Variants in MRPL22 observed in about 807,000 individuals in gnomAD.
The protein encoded by MRPL22 is large ribosomal subunit protein uL22m.
Under a neutral mutation model 32.4 loss-of-function variants are expected in MRPL22, and 27 were observed. That is an observed-to-expected ratio of 0.83 (90% CI 0.61 to 1.15). The LOEUF (loss-of-function observed/expected upper bound fraction) is 1.15, where lower values mean the gene tolerates loss of function less well. MRPL22 is among the 50% of genes most tolerant of loss of function. The pLI, the probability that MRPL22 is intolerant of heterozygous loss-of-function variation, is 0.00. For synonymous variants in MRPL22, 86 were observed against 87.3 expected (o/e 0.99, Z 0.08); for missense variants, 239 against 260.2 (o/e 0.92, Z 0.56).
At chr5:154,963,477 A>G (rs1010140774) in intron 6 of MRPL22, among the ~76,000 whole-genome samples, 2 of 152,220 alleles carry the variant, frequency 1.3e-5, no homozygotes, top group African/African-American at 2.4e-5. Context: ...GAATGCATAC[A>G]TTGTTCTTCT....
At chr5:154,943,248 T>C (rs928156809) in intron 2 of MRPL22, among the ~76,000 whole-genome samples, 2 of 151,730 alleles carry the variant, frequency 1.3e-5, no homozygotes, top group Admixed American at 1.3e-4. Context: ...CCACCTCAGC[T>C]TCCTAAGTAG....
intron 3 of MRPL22, among the ~76,000 whole-genome samples, chr5:154,953,148 G>A (rs760496013): frequency 1.3e-5 from 2 of 152,016 alleles, no homozygotes; most frequent in Non-Finnish European, 2.9e-5. Flanking sequence ...CACAAGGTCA[G>A]GAGTTCAAGC....
At chr5:154,942,300 A>G (rs1764428442) in intron 2 of MRPL22, among the ~76,000 whole-genome samples, 1 of 152,188 alleles carries the variant, frequency 6.6e-6, no homozygotes, top group African/African-American at 2.4e-5. Context: ...AGTATTTAGT[A>G]TGTTTATGGC....
intron 6 of MRPL22, among the ~76,000 whole-genome samples, chr5:154,964,179 C>G (rs1412957638): frequency 6.6e-6 from 1 of 152,130 alleles, no homozygotes; most frequent in Non-Finnish European, 1.5e-5. Context: ...AAATTGTGCT[C>G]TGTGGGGTGT....
At chr5:154,965,015 T>C (rs1448184512) in intron 6 of MRPL22, among the ~76,000 whole-genome samples, 2 of 152,184 alleles carry the variant, frequency 1.3e-5, no homozygotes, top group African/African-American at 2.4e-5. Context: ...TCTGGAAATT[T>C]GTAAACTCAT....
At chr5:154,943,341 G>T (rs1764444613) in intron 2 of MRPL22, among the ~76,000 whole-genome samples, 1 of 151,860 alleles carries the variant, frequency 6.6e-6, no homozygotes, top group African/African-American at 2.4e-5. Context: ...TAACTCCTGG[G>T]CTCAAGTGAT....
At chr5:154,950,395 A>G (rs954132190) in intron 2 of MRPL22, among the ~76,000 whole-genome samples, 5 of 152,120 alleles carry the variant, frequency 3.3e-5, no homozygotes, top group African/African-American at 1.2e-4. Context: ...TGTTTCCCAT[A>G]TTTTAGTTAT....
chr5:154,962,635 C>T (rs1428888574), intron 6 of MRPL22, among the ~76,000 whole-genome samples: 1 of 152,144 alleles, frequency 6.6e-6, no homozygotes, highest in Non-Finnish European at 1.5e-5. Flanking sequence ...AAAGCTAATA[C>T]CTGGTGTTGC....
intron 2 of MRPL22, among the ~76,000 whole-genome samples, chr5:154,949,557 G>A (rs1764532149): frequency 6.6e-6 from 1 of 152,120 alleles, no homozygotes; most frequent in African/African-American, 2.4e-5. Context: ...AAGAGGTAAA[G>A]CATTTGAGAA....
intron 2 of MRPL22, among the ~76,000 whole-genome samples, chr5:154,949,409 A>T (rs1764530627): frequency 6.6e-6 from 1 of 152,236 alleles, no homozygotes; most frequent in Non-Finnish European, 1.5e-5. Context: ...GGAGGATGAC[A>T]TGAGTAGCTC....
chr5:154,966,536 G>T, intron 6 of MRPL22, 150 bp from the exon 7 acceptor site: 1 of 722,202 alleles, frequency 1.4e-6, no homozygotes, highest in Non-Finnish European at 2.3e-6. Context: ...TAGCATTCAG[G>T]AGATAGTTGT....
intron 3 of MRPL22, among the ~76,000 whole-genome samples, chr5:154,953,991 C>CTT (rs1163927758): frequency 1.8e-4 from 22 of 123,368 alleles, no homozygotes; most frequent in African/African-American, 2.4e-4. Context: ...TGGCCTAAAA[C>CTT]TTTTTTTTTT....
At position 154,966,801 on chromosome 5, in the gene MRPL22, GC is replaced by G. The variant is rs780724703; in HGVS notation, c.530del (p.Pro177HisfsTer53). 73 of 1,614,000 alleles carry G rather than the reference GC, an allele frequency of 4.5e-5. No homozygotes were observed. Among genetic ancestry groups the G allele is most frequent in the Non-Finnish European group, 5.8e-5 (68 of 1,180,038 alleles). On this transcript the variant is annotated frameshift_variant, in exon 7 of 7. Transcript: ENST00000523037. LOFTEE classifies it high-confidence loss of function. The part of the protein sequence containing the change: ...CHYFVKLVEG[P>X]PPPPEPPKTA... Reference sequence around the variant, plus strand: ...ATTATTTTGTGAAGTTGGTGGAAGGGCCCCCACCTCCACCTGAGCCACCAAA... The same window carrying G: ...ATTATTTTGTGAAGTTGGTGGAAGGGCCCCACCTCCACCTGAGCCACCAAA...
chr5:154,959,608 C>T (rs753805120), intron 5 of MRPL22, among the ~76,000 whole-genome samples: 27 of 152,200 alleles, frequency 1.8e-4, no homozygotes, highest in African/African-American at 3.1e-4. Flanking sequence ...CTTGGCCTCC[C>T]GAAGTACTGG....
chr5:154,956,378 A>G lies in MRPL22; in HGVS notation c.203A>G (p.Tyr68Cys), dbSNP rs1764630539. ...TTTTTTCCAATTTGTAAGGAAATCT[A>G]CCACTGTCGAAGACAAATAAAATAT... Reference protein sequence around the residue: ...PGEPRRPAEIYHCRRQIKYSK... With the variant: ...PGEPRRPAEICHCRRQIKYSK... Residue 68 changes from tyrosine to cysteine, a missense_variant, in exon 4 of 7, where the codon TAC (tyrosine) becomes TGC (cysteine). Transcript: ENST00000523037. 1.9e-6 allele frequency: 3 copies of G among 1,606,570 alleles called. No individual in the cohort carries two copies. Among genetic ancestry groups the G allele is most frequent in the South Asian group, 2.2e-5 (2 of 89,826 alleles).
intron 3 of MRPL22, chr5:154,956,156 T>C (rs985832333): frequency 4.3e-5 from 21 of 484,826 alleles, no homozygotes; most frequent in Non-Finnish European, 6.8e-5. Context: ...TTTCTATTTC[T>C]CCCGTAGTAA....
intron 4 of MRPL22, chr5:154,956,879 T>C: frequency 2.4e-6 from 1 of 424,032 alleles, no homozygotes; most frequent in Non-Finnish European, 4.2e-6. Flanking sequence ...GTTACCAACC[T>C]GTGGTCTCTC....
intron 6 of MRPL22, among the ~76,000 whole-genome samples, chr5:154,965,592 T>G (rs942835995): frequency 1.3e-5 from 2 of 151,936 alleles, no homozygotes; most frequent in Non-Finnish European, 1.5e-5. Flanking sequence ...AACTGGCTAA[T>G]TTTTTGTATT....
intron 3 of MRPL22, among the ~76,000 whole-genome samples, chr5:154,951,416 C>T (rs561231626): frequency 2.0e-5 from 3 of 152,228 alleles, no homozygotes; most frequent in Non-Finnish European, 2.9e-5. Flanking sequence ...TTTATCTTAT[C>T]GTTATCTGCA....
Sources: allele counts gnomAD v4.1 joint callset (sites outside exome capture counted in the v4.1 genomes callset), GRCh38; gene constraint gnomAD v4.1.1; transcripts MANE v1.5; gene names NCBI Gene and HGNC (gene_info 2026-07-23, HGNC 2026-07-21).